Variants in LARGE1 observed in about 807,000 individuals in gnomAD.
LARGE1 encodes the protein xylosyl- and glucuronyltransferase LARGE1.
In LARGE1, 43 loss-of-function variants were observed where a neutral mutation model predicts 87.6. The observed-to-expected ratio is 0.49, with a 90% confidence interval of 0.38 to 0.63. LARGE1 has a LOEUF of 0.63. LARGE1 is among the 30% of genes least tolerant of loss of function. LARGE1 has a pLI of 0.00. For missense variants in LARGE1, 802 were observed against 1,000.2 expected, an observed-to-expected ratio of 0.80 and a Z score of 2.67; for synonymous variants, 434 against 394.6, an observed-to-expected ratio of 1.10 and a Z score of -1.18.
intron 9 of LARGE1, among the ~76,000 whole-genome samples, chr22:33,341,844 G>A (rs1316429547): frequency 6.6e-6 from 1 of 152,192 alleles, no homozygotes; most frequent in Non-Finnish European, 1.5e-5. Flanking sequence ...CTAGCTCAGT[G>A]CTTCCATGTT....
At chr22:33,536,106 T>A (rs940681490) in intron 6 of LARGE1, among the ~76,000 whole-genome samples, 3 of 152,196 alleles carry the variant, frequency 2.0e-5, no homozygotes, top group Non-Finnish European at 4.4e-5. Context: ...AATACGGCAC[T>A]CTGAACAAGG....
rs548075476 is a variant in LARGE1, at chr22:33,830,722, T to C, written c.-82-69164A>G. 2.0e-5 allele frequency among the ~76,000 whole-genome samples: 3 copies of C among 152,284 alleles called. No individual in the cohort carries two copies. The South Asian group carries it at 6.2e-4, about 32-fold the overall frequency. On this transcript the variant is annotated intron_variant, in intron 1 of 14. Transcript: ENST00000397394. ...CTCAGGCTACTTTAACTGAATACCATAGACTGGGTGGCTTATAAACAATTT... is the reference window on the plus strand; with the variant it reads ...CTCAGGCTACTTTAACTGAATACCACAGACTGGGTGGCTTATAAACAATTT...
At chr22:33,769,415 T>A (rs952282216) in intron 1 of LARGE1, among the ~76,000 whole-genome samples, 2 of 152,214 alleles carry the variant, frequency 1.3e-5, no homozygotes, top group African/African-American at 4.8e-5. Context: ...GGCAGGGACT[T>A]GTTCATTTTG....
chr22:33,783,995 CTTTCT>C (rs2085517028), intron 1 of LARGE1, among the ~76,000 whole-genome samples: 1 of 152,148 alleles, frequency 6.6e-6, no homozygotes, highest in African/African-American at 2.4e-5. Context: ...CAATCTCTCT[CTTTCT>C]TTTTTCTTTT....
At chr22:33,917,299 T>C (rs1395066400) in intron 1 of LARGE1, among the ~76,000 whole-genome samples, 1 of 152,232 alleles carries the variant, frequency 6.6e-6, no homozygotes, top group Non-Finnish European at 1.5e-5. Context: ...TGATAAGACT[T>C]AGCTACTTGG....
rs377382029 is a variant in LARGE1, at chr22:33,179,757, T to G, written c.1731-12925A>C. On this transcript the variant is annotated intron_variant, in intron 11 of 11. Transcript: ENST00000608642. The stretch of plus-strand genomic sequence containing the variant: ...GCAACTGCCAGCAGACTCCTTATTA[T>G]GGAAAGGGTGGGCAGGTTCAAAGGG... 2.6e-5 allele frequency among the ~76,000 whole-genome samples: 4 copies of G among 152,316 alleles called. No homozygotes were observed. In the East Asian group the frequency reaches 5.8e-4, roughly 22 times the overall value.
intron 11 of LARGE1, among the ~76,000 whole-genome samples, chr22:33,213,407 A>G (rs1925054398): frequency 2.0e-5 from 3 of 152,218 alleles, no homozygotes; most frequent in Non-Finnish European, 4.4e-5. Context: ...ATCAACTCCA[A>G]TTTTGAAAGA....
At chr22:33,620,533 T>G (rs1201302002) in intron 4 of LARGE1, among the ~76,000 whole-genome samples, 1 of 152,154 alleles carries the variant, frequency 6.6e-6, no homozygotes, top group African/African-American at 2.4e-5. Flanking sequence ...CCTTTGTCAT[T>G]TATAATTTGT....
intron 11 of LARGE1, among the ~76,000 whole-genome samples, chr22:33,223,664 T>C (rs1488437542): frequency 6.6e-6 from 1 of 152,168 alleles, no homozygotes; most frequent in African/African-American, 2.4e-5. Context: ...CCTCATGCAA[T>C]TCAGCCCCTC....
rs896769831 is a variant in LARGE1 at position 33,234,556 on chromosome 22, T to C, written c.1731-67724A>G. Among the ~76,000 whole-genome samples the C allele has an allele frequency of 9.2e-5, 14 of 152,320 alleles. No homozygotes were observed. In the East Asian group the frequency reaches 1.5e-3, roughly 17 times the overall value. On this transcript the variant is annotated intron_variant, in intron 11 of 11. Transcript: ENST00000608642. ...TTCTTTGTTTTGTTTTGTTTTGTTT[T>C]TTGAGACAGAGTTTTGCTCTTGCTG...
chr22:33,486,578 T>A (rs2069584990), intron 6 of LARGE1, among the ~76,000 whole-genome samples: 1 of 151,534 alleles, frequency 6.6e-6, no homozygotes, highest in Non-Finnish European at 1.5e-5. Context: ...ACTGAGGAAA[T>A]CCATTGGGGA....
At chr22:33,134,579 A>G in the LARGE1 span, among the ~76,000 whole-genome samples, 10 of 151,998 alleles carry the variant, frequency 6.6e-5, no homozygotes, top group African/African-American at 2.2e-4. Context: ...TTATTTCCAC[A>G]TTCTATGTTT....
chr22:33,808,169 G>A (rs1397868720), intron 1 of LARGE1, among the ~76,000 whole-genome samples: 7 of 152,216 alleles, frequency 4.6e-5, no homozygotes, highest in Non-Finnish European at 1.5e-5. Flanking sequence ...GCATTTGGTG[G>A]TGCCAGTGTT....
chr22:33,677,294 A>G (rs896796686), intron 2 of LARGE1, among the ~76,000 whole-genome samples: 3 of 151,778 alleles, frequency 2.0e-5, no homozygotes, highest in Non-Finnish European at 2.9e-5. Context: ...GAGTTAAAAA[A>G]AAAAAAAAAA....
intron 7 of LARGE1, among the ~76,000 whole-genome samples, chr22:33,399,189 A>G (rs912307356): frequency 2.1e-5 from 3 of 144,484 alleles, no homozygotes; most frequent in Non-Finnish European, 4.5e-5. Flanking sequence ...CCCTGTGTCC[A>G]TGTGTTCTCA....
intron 10 of LARGE1, chr22:33,322,497 T>A (rs574246891): frequency 2.6e-5 from 4 of 152,372 alleles, no homozygotes; most frequent in Admixed American, 6.5e-5. Flanking sequence ...TTTCAAATCC[T>A]AACCTAGGCT....
intron 2 of LARGE1, among the ~76,000 whole-genome samples, chr22:33,697,262 A>T (rs2082278845): frequency 6.6e-6 from 1 of 152,166 alleles, no homozygotes; most frequent in Non-Finnish European, 1.5e-5. Flanking sequence ...TCCTGCTTAT[A>T]CAGATCTCAG....
chr22:33,806,437 A>ACAGGGGCTG (rs2086311991), intron 1 of LARGE1, among the ~76,000 whole-genome samples: 1 of 152,228 alleles, frequency 6.6e-6, no homozygotes, highest in South Asian at 2.1e-4. Flanking sequence ...CCCAGTGTTT[A>ACAGGGGCTG]CAGGATCTTC....
At chr22:33,756,589 A>G (rs2084521789) in intron 2 of LARGE1, among the ~76,000 whole-genome samples, 1 of 152,178 alleles carries the variant, frequency 6.6e-6, no homozygotes, top group African/African-American at 2.4e-5. Flanking sequence ...AGGTGGGAAG[A>G]GCAGAGCCCA....
Sources: allele counts gnomAD v4.1 joint callset (sites outside exome capture counted in the v4.1 genomes callset), GRCh38; gene constraint gnomAD v4.1.1; transcripts MANE v1.5; gene names NCBI Gene and HGNC (gene_info 2026-07-23, HGNC 2026-07-21).